CADM2: variants seen among roughly 807,000 people sequenced by gnomAD.
CADM2 encodes cell adhesion molecule 2, also known as immunoglobulin superfamily member 4D.
CADM2 carries 12 observed loss-of-function variants against 49.8 expected under a neutral mutation model. The ratio of observed to expected loss-of-function variants is 0.24; its 90% CI spans 0.15 to 0.39. The LOEUF (loss-of-function observed/expected upper bound fraction) is 0.39. CADM2 is among the 10% of genes least tolerant of loss of function. The pLI is 1.00. For missense variants in CADM2, 378 were observed against 492.3 expected (o/e 0.77, Z 2.20); for synonymous variants, 214 against 175.4 (o/e 1.22, Z -1.74).
At chr3:85,411,114 TAG>T (rs2035636611) in intron 1 of CADM2, among the ~76,000 whole-genome samples, 1 of 152,210 alleles carries the variant, frequency 6.6e-6, no homozygotes, top group South Asian at 2.1e-4. Context: ...AGGTTATATA[TAG>T]AGTTTGACGT....
intron 8 of CADM2, among the ~76,000 whole-genome samples, chr3:85,999,665 G>GAAAGAAAGAAAAAGAAAGA (rs1559792240): frequency 1.3e-5 from 2 of 151,316 alleles, no homozygotes; most frequent in Non-Finnish European, 2.9e-5. Context: ...AAAAAAGAAA[G>GAAAGAAAGAAAAAGAAAGA]AAAGAAAGAA....
At chr3:85,489,119 T>G (rs960050148) in intron 1 of CADM2, among the ~76,000 whole-genome samples, 10 of 152,166 alleles carry the variant, frequency 6.6e-5, no homozygotes, top group African/African-American at 1.4e-4. Flanking sequence ...TCAGAGTAAT[T>G]GAAATTAATA....
chr3:85,493,676 T>C (rs2039769337), intron 1 of CADM2, among the ~76,000 whole-genome samples: 1 of 152,170 alleles, frequency 6.6e-6, no homozygotes, highest in Admixed American at 6.5e-5. Context: ...TGATTCAGGC[T>C]CAGAGTTCCC....
At chr3:85,491,304 T>G (rs1189930062) in intron 1 of CADM2, among the ~76,000 whole-genome samples, 5 of 152,200 alleles carry the variant, frequency 3.3e-5, no homozygotes, top group Non-Finnish European at 7.3e-5. Flanking sequence ...TATTTAGATT[T>G]GGAAATTTTT....
chr3:85,746,943 T>G (rs2068644768), intron 2 of CADM2, among the ~76,000 whole-genome samples: 1 of 152,150 alleles, frequency 6.6e-6, no homozygotes. Flanking sequence ...AGAGTTCGTT[T>G]TCCTCTAATT....
At chr3:86,061,299 TCC>T (rs1175167151) in intron 8 of CADM2, among the ~76,000 whole-genome samples, 1 of 152,042 alleles carries the variant, frequency 6.6e-6, no homozygotes, top group African/African-American at 2.4e-5. Flanking sequence ...TTTTTAGAAG[TCC>T]TTCAACTGAT....
At chr3:85,983,377 C>T (rs1727698250) in intron 8 of CADM2, among the ~76,000 whole-genome samples, 1 of 151,502 alleles carries the variant, frequency 6.6e-6, no homozygotes, top group Admixed American at 6.6e-5. Flanking sequence ...CTGGATTGAG[C>T]CCTGGATACA....
At chr3:85,668,554 T>C (rs1010846171) in intron 1 of CADM2, among the ~76,000 whole-genome samples, 2 of 152,088 alleles carry the variant, frequency 1.3e-5, no homozygotes, top group African/African-American at 4.8e-5. Flanking sequence ...CATGCTGTTC[T>C]CATGATAGTG....
chr3:85,560,269 G>A (rs2062061114), intron 1 of CADM2, among the ~76,000 whole-genome samples: 1 of 152,192 alleles, frequency 6.6e-6, no homozygotes, highest in African/African-American at 2.4e-5. Flanking sequence ...GCACCAGCTT[G>A]ATGACCTGCA....
intron 2 of CADM2, among the ~76,000 whole-genome samples, chr3:85,753,413 A>G (rs2107869104): frequency 6.6e-6 from 1 of 152,286 alleles, no homozygotes; most frequent in East Asian, 1.9e-4. Context: ...TGATTGCAAG[A>G]AGAAATAGGC....
At chr3:85,348,197 G>A (rs932362520) in intron 1 of CADM2, among the ~76,000 whole-genome samples, 1 of 152,114 alleles carries the variant, frequency 6.6e-6, no homozygotes, top group African/African-American at 2.4e-5. Flanking sequence ...TTGCAAAACT[G>A]CTGAAGTGTC....
intron 1 of CADM2, among the ~76,000 whole-genome samples, chr3:85,425,969 G>A (rs900654060): frequency 6.6e-6 from 1 of 152,060 alleles, no homozygotes; most frequent in Non-Finnish European, 1.5e-5. Context: ...GAGAAAATGG[G>A]AATAAGAGCC....
chr3:85,185,999 C>T (rs1229578519), intron 1 of CADM2, among the ~76,000 whole-genome samples: 1 of 152,160 alleles, frequency 6.6e-6, no homozygotes, highest in Non-Finnish European at 1.5e-5. Flanking sequence ...GAGTGCCAGG[C>T]AGGTGAAAGG....
At chr3:85,787,005 A>G (rs1190911032) in intron 2 of CADM2, among the ~76,000 whole-genome samples, 4 of 152,104 alleles carry the variant, frequency 2.6e-5, no homozygotes, top group Admixed American at 2.6e-4. Context: ...AAAGAAATAT[A>G]TATTTGAAAA....
At chr3:85,689,989 G>C (rs2066333475) in intron 1 of CADM2, among the ~76,000 whole-genome samples, 1 of 152,156 alleles carries the variant, frequency 6.6e-6, no homozygotes, top group South Asian at 2.1e-4. Flanking sequence ...ACTGTATCTG[G>C]GCAAAATTAC....
intron 5 of CADM2, among the ~76,000 whole-genome samples, chr3:85,894,560 G>A (rs1714955737): frequency 1.3e-5 from 2 of 152,060 alleles, no homozygotes; most frequent in Non-Finnish European, 2.9e-5. Context: ...AAGTAATTAG[G>A]AGCCAAATGT....
At chr3:85,560,272 G>T (rs1363016584) in intron 1 of CADM2, among the ~76,000 whole-genome samples, 1 of 152,186 alleles carries the variant, frequency 6.6e-6, no homozygotes, top group African/African-American at 2.4e-5. Flanking sequence ...CCAGCTTGAT[G>T]ACCTGCAAGG....
At position 86,070,628 on chromosome 3, in the gene CADM2, A is replaced by G. The variant is rs1385086575; in HGVS notation, c.*3845A>G. The G allele has an allele frequency of 1.4e-5, 1 of 73,958 alleles. No homozygotes were observed. Among genetic ancestry groups the G allele is most frequent in the Non-Finnish European group, 2.2e-5 (1 of 44,906 alleles). 4.6% of individuals were successfully genotyped at this position (73,958 alleles called of 1,614,324 possible). A position where few individuals can be genotyped will look rare whatever the true frequency, so the allele number is the denominator to read the frequency against. On this transcript the variant is annotated 3_prime_UTR_variant, in exon 10 of 10. Coordinates refer to ENST00000383699, the MANE Select transcript of CADM2 (RefSeq NM_001167675.2). ...AAATGGTAATTTCTGATAAAACAAT[A>G]CAAAACAAAAAAAAAGCAGTAATCA...
intron 8 of CADM2, among the ~76,000 whole-genome samples, chr3:86,064,884 C>T (rs1279060850): frequency 2.0e-5 from 3 of 152,130 alleles, no homozygotes; most frequent in South Asian, 4.1e-4. Context: ...CAAGTTCCAC[C>T]GGCATCTAAA....
Sources: allele counts gnomAD v4.1 joint callset (sites outside exome capture counted in the v4.1 genomes callset), GRCh38; gene constraint gnomAD v4.1.1; transcripts MANE v1.5; gene names NCBI Gene and HGNC (gene_info 2026-07-23, HGNC 2026-07-21).